The following DNER variants were observed in gnomAD, a reference collection of about 807,000 sequenced individuals.
The protein encoded by DNER is delta/notch like EGF repeat containing, also known as delta and Notch-like epidermal growth factor-related receptor.
DNER carries 33 observed loss-of-function variants against 78.2 expected under a neutral mutation model. The ratio of observed to expected loss-of-function variants is 0.42; its 90% CI spans 0.32 to 0.56. The LOEUF is 0.56. Ranked by LOEUF, DNER falls within the 20% of genes least tolerant of loss-of-function variation. The pLI, the probability that DNER is intolerant of heterozygous loss-of-function variation, is 0.11. For missense variants in DNER, 918 were observed against 975.3 expected (o/e 0.94, Z 0.78); for synonymous variants, 417 against 384.8 (o/e 1.08, Z -0.98).
At chr2:229,635,753 A>G (rs1482487931) in intron 1 of DNER, among the ~76,000 whole-genome samples, 1 of 152,194 alleles carries the variant, frequency 6.6e-6, no homozygotes, top group Non-Finnish European at 1.5e-5. Flanking sequence ...AATAATCATT[A>G]TATTAATAAC....
At chr2:229,704,824 G>A (rs1215884202) in intron 1 of DNER, among the ~76,000 whole-genome samples, 4 of 152,228 alleles carry the variant, frequency 2.6e-5, no homozygotes, top group African/African-American at 9.6e-5. Context: ...GTTATGAAAT[G>A]AAAAGGGTCT....
intron 7 of DNER, among the ~76,000 whole-genome samples, chr2:229,462,795 C>T (rs966007783): frequency 4.6e-5 from 7 of 152,136 alleles, no homozygotes; most frequent in South Asian, 2.1e-4. Context: ...ACCAGTCTTA[C>T]GCCACATGCT....
intron 1 of DNER, among the ~76,000 whole-genome samples, chr2:229,595,925 T>C (rs182273846): frequency 6.6e-6 from 1 of 152,356 alleles, no homozygotes; most frequent in Non-Finnish European, 1.5e-5. Flanking sequence ...AGGGAGTATG[T>C]GTGCAGGTTT....
intron 4 of DNER, among the ~76,000 whole-genome samples, chr2:229,552,747 G>A (rs534539480): frequency 3.8e-4 from 58 of 152,144 alleles, no homozygotes; most frequent in Admixed American, 5.2e-4. Context: ...TCTTTGTAGC[G>A]GTGTGAAAAC....
At position 229,643,473 on chromosome 2, in the gene DNER, C is replaced by A. The variant is rs142044849; in HGVS notation, c.277-51585G>T. On this transcript the variant is annotated intron_variant, in intron 1 of 12. Coordinates refer to ENST00000341772, the MANE Select transcript of DNER (RefSeq NM_139072.4). The stretch of plus-strand genomic sequence containing the variant: ...AGGATAATCCCTGCCCAGTCTTGAA[C>A]TGGGAGAGGAAGCTGCATAGCAGAT... Among the ~76,000 whole-genome samples the A allele has an allele frequency of 7.3e-3, 1,109 of 152,308 alleles. 7 individuals are homozygous for A. Among genetic ancestry groups the A allele is most frequent in the Non-Finnish European group, 0.011 (747 of 68,022 alleles).
intron 6 of DNER, among the ~76,000 whole-genome samples, chr2:229,493,877 G>C (rs1168595280): frequency 6.6e-6 from 1 of 152,212 alleles, no homozygotes; most frequent in African/African-American, 2.4e-5. Context: ...CTAGAAAAGG[G>C]TAAGAGTGGC....
intron 5 of DNER, among the ~76,000 whole-genome samples, chr2:229,534,818 A>G (rs1696372613): frequency 6.6e-6 from 1 of 152,146 alleles, no homozygotes; most frequent in African/African-American, 2.4e-5. Context: ...TACTAATAAG[A>G]TGAATTTATA....
At chr2:229,616,898 TG>T (rs1395678721) in intron 1 of DNER, among the ~76,000 whole-genome samples, 1 of 152,220 alleles carries the variant, frequency 6.6e-6, no homozygotes, top group East Asian at 1.9e-4. Context: ...GGCATGCTTA[TG>T]CAGATGGGAG....
At chr2:229,483,756 C>T (rs904653377) in intron 6 of DNER, among the ~76,000 whole-genome samples, 2 of 152,196 alleles carry the variant, frequency 1.3e-5, no homozygotes. Flanking sequence ...TCTGTGCCCA[C>T]CCTCTTTCAT....
chr2:229,443,573 T>C (rs1266100518), intron 8 of DNER, among the ~76,000 whole-genome samples: 1 of 152,204 alleles, frequency 6.6e-6, no homozygotes, highest in Non-Finnish European at 1.5e-5. Context: ...CCCGAAAAGC[T>C]ACAAACGAAG....
intron 1 of DNER, among the ~76,000 whole-genome samples, chr2:229,673,161 T>C (rs1171791990): frequency 1.3e-5 from 2 of 152,220 alleles, no homozygotes; most frequent in African/African-American, 4.8e-5. Context: ...GATGTGAAAG[T>C]GGCAGCTCAG....
chr2:229,544,453 T>C (rs1221236986), intron 5 of DNER, among the ~76,000 whole-genome samples: 5 of 152,192 alleles, frequency 3.3e-5, no homozygotes, highest in Admixed American at 6.5e-5. Context: ...CCTGACCACA[T>C]TCTGCCTCCT....
chr2:229,624,724 T>TTC (rs1329324869), intron 1 of DNER, among the ~76,000 whole-genome samples: 1 of 152,190 alleles, frequency 6.6e-6, no homozygotes, highest in Non-Finnish European at 1.5e-5. Flanking sequence ...GAAATCGTTT[T>TTC]TCTCTCTGCA....
At chr2:229,651,660 C>G (rs1698821546) in intron 1 of DNER, among the ~76,000 whole-genome samples, 1 of 152,214 alleles carries the variant, frequency 6.6e-6, no homozygotes, top group South Asian at 2.1e-4. Flanking sequence ...GGATAAAAGA[C>G]AGCACATTGG....
chr2:229,688,652 T>A (rs1315839703), intron 1 of DNER, among the ~76,000 whole-genome samples: 2 of 152,192 alleles, frequency 1.3e-5, no homozygotes, highest in Admixed American at 6.5e-5. Context: ...AGATTTAATG[T>A]ATAAGACTGC....
At chr2:229,484,492 C>A (rs1346508573) in intron 6 of DNER, among the ~76,000 whole-genome samples, 1 of 152,180 alleles carries the variant, frequency 6.6e-6, no homozygotes, top group Non-Finnish European at 1.5e-5. Flanking sequence ...TCCAACAGGT[C>A]TCTGCAATAC....
At chr2:229,437,309 G>A (rs78757025) in intron 8 of DNER, among the ~76,000 whole-genome samples, 4,122 of 152,284 alleles carry the variant, frequency 0.027, 83 homozygotes, top group Middle Eastern at 0.061. Context: ...GCAAACCTAA[G>A]AGCTCTGAAT....
chr2:229,395,628 G>A (rs561131101), intron 10 of DNER, among the ~76,000 whole-genome samples: 14 of 152,350 alleles, frequency 9.2e-5, no homozygotes, highest in Middle Eastern at 3.4e-3. Flanking sequence ...GCCTGGTGCA[G>A]TGGCTCATGC....
chr2:229,384,564 A>G (rs1692819108), intron 11 of DNER, among the ~76,000 whole-genome samples: 1 of 152,172 alleles, frequency 6.6e-6, no homozygotes, highest in African/African-American at 2.4e-5. Context: ...CACAATAAAA[A>G]TTGATAAAGG....
Sources: gnomAD v4.1 joint callset for allele counts (sites outside exome capture counted in the v4.1 genomes callset) on GRCh38, gnomAD v4.1.1 for gene constraint, MANE v1.5 for transcripts, NCBI Gene and HGNC (gene_info 2026-07-23, HGNC 2026-07-21) for gene names.